CCDC85A: variants seen among roughly 807,000 people sequenced by gnomAD.
The protein encoded by CCDC85A is coiled-coil domain-containing protein 85A.
CCDC85A carries 38 observed loss-of-function variants against 50.2 expected under a neutral mutation model. That is an observed-to-expected ratio of 0.76 (90% confidence interval 0.58 to 0.99). The LOEUF (loss-of-function observed/expected upper bound fraction) is 0.99, where lower values mean the gene tolerates loss of function less well. Among genes scored for constraint, CCDC85A ranks in the 50% least tolerant of loss-of-function variants. CCDC85A has a pLI of 0.00. For synonymous variants in CCDC85A, 366 were observed against 301.4 expected (o/e 1.21, Z -2.22); for missense variants, 820 against 742.0 (o/e 1.11, Z -1.22).
rs545269649 is a variant in CCDC85A, at chr2:56,191,021, C to A, written c.277-1456C>A. Among the ~76,000 whole-genome samples, 6 of 152,280 alleles carry A rather than the reference C, an allele frequency of 3.9e-5. No homozygotes were observed. In the South Asian group the frequency reaches 1.2e-3, roughly 32 times the overall value. ...CCTTTCCCATGTCCGTTGACTTGCT[C>A]TCTGTTCTTTAGACATGCTCACCTC... On this transcript the variant is annotated intron_variant, in intron 1 of 5. Coordinates refer to ENST00000407595, the MANE Select transcript of CCDC85A (RefSeq NM_001080433.2).
chr2:56,333,715 G>A (rs1430924248), intron 2 of CCDC85A, among the ~76,000 whole-genome samples: 2 of 152,156 alleles, frequency 1.3e-5, no homozygotes, highest in African/African-American at 2.4e-5. Flanking sequence ...TGGAGGTAGG[G>A]TCAAAAAAAA....
intron 2 of CCDC85A, among the ~76,000 whole-genome samples, chr2:56,250,029 G>A (rs1346999411): frequency 1.3e-5 from 2 of 152,206 alleles, no homozygotes; most frequent in Admixed American, 1.3e-4. Context: ...CAGCCATGAA[G>A]GGCAGGCAGG....
chr2:56,321,588 A>C (rs1484371887), intron 2 of CCDC85A, among the ~76,000 whole-genome samples: 1 of 152,188 alleles, frequency 6.6e-6, no homozygotes, highest in East Asian at 1.9e-4. Flanking sequence ...CTTACAAGGG[A>C]TATGAAGGAC....
chr2:56,239,663 C>T (rs555264673), intron 2 of CCDC85A, among the ~76,000 whole-genome samples: 42 of 152,192 alleles, frequency 2.8e-4, no homozygotes, highest in South Asian at 1.2e-3. Flanking sequence ...GGTTCATCAA[C>T]GGTTATTGAG....
In CCDC85A at chr2:56,353,097, G is replaced by A. The variant is rs191405478; in HGVS notation, c.1317+10142G>A. On this transcript the variant is annotated intron_variant, in intron 3 of 5. Transcript: ENST00000407595. Reference sequence around the variant, plus strand: ...TAATTTACAAATGCCTACTTACATCGTGGGGGGTTACTCTACCTCACTGGA... The same window carrying A: ...TAATTTACAAATGCCTACTTACATCATGGGGGGTTACTCTACCTCACTGGA... 2.2e-3 allele frequency among the ~76,000 whole-genome samples: 339 copies of A among 152,144 alleles called. 1 individual carries two copies. Among genetic ancestry groups the A allele is most frequent in the African/African-American group, 5.4e-3 (225 of 41,510 alleles).
intron 2 of CCDC85A, among the ~76,000 whole-genome samples, chr2:56,303,199 G>A (rs1045381452): frequency 1.3e-5 from 2 of 152,116 alleles, no homozygotes; most frequent in African/African-American, 4.8e-5. Flanking sequence ...TTCGGAGTGC[G>A]CTTTTTGAGG....
At chr2:56,328,403 G>T in intron 2 of CCDC85A, among the ~76,000 whole-genome samples, 1 of 152,100 alleles carries the variant, frequency 6.6e-6, no homozygotes, top group Non-Finnish European at 1.5e-5. Flanking sequence ...AACTGGGGAA[G>T]GGTTTCTGCT....
At chr2:56,251,199 T>A (rs890084911) in intron 2 of CCDC85A, among the ~76,000 whole-genome samples, 1 of 152,198 alleles carries the variant, frequency 6.6e-6, no homozygotes, top group African/African-American at 2.4e-5. Flanking sequence ...AGACCTTTCT[T>A]AAGGCAGCCC....
chr2:56,374,684 C>T (rs2104395779), intron 4 of CCDC85A, among the ~76,000 whole-genome samples: 1 of 152,284 alleles, frequency 6.6e-6, no homozygotes, highest in African/African-American at 2.4e-5. Flanking sequence ...TGGCACATGC[C>T]TGTAGTCCCA....
At chr2:56,188,012 A>G (rs939364760) in intron 1 of CCDC85A, among the ~76,000 whole-genome samples, 1 of 152,232 alleles carries the variant, frequency 6.6e-6, no homozygotes, top group Non-Finnish European at 1.5e-5. Flanking sequence ...AAATTAAAAC[A>G]ATTATTTAAC....
At chr2:56,379,006 A>T (rs904449207) in intron 5 of CCDC85A, among the ~76,000 whole-genome samples, 3 of 152,222 alleles carry the variant, frequency 2.0e-5, no homozygotes, top group Non-Finnish European at 4.4e-5. Context: ...TACCCACAAT[A>T]AAACTTTAGA....
At chr2:56,327,831 CAAAAAAAAAAAA>C (rs70955016) in intron 2 of CCDC85A, among the ~76,000 whole-genome samples, 2 of 93,264 alleles carry the variant, frequency 2.1e-5, no homozygotes, top group African/African-American at 3.7e-5. Flanking sequence ...TAGAGTAAGG[CAAAAAAAAAAAA>C]AAAAAAAAAG....
rs1225934934 is a variant in CCDC85A, at chr2:56,192,528, T to C, written c.328T>C (p.Cys110Arg). The change falls in exon 2 of 6, where the codon TGT becomes CGT. Residue 110 changes from cysteine (C) to arginine (R), a missense_variant. Cys to Arg is a radical substitution (Grantham distance 180). Coordinates refer to ENST00000407595, the MANE Select transcript of CCDC85A (RefSeq NM_001080433.2). This position sits in a 1 kb window ranked among gnomAD's most constrained non-coding sequence, Gnocchi z 4.7. ...EDNQELRDLC[C>R]FLDDDRQKGK... Reference sequence around the variant, plus strand: ...CAACCAGGAACTGAGGGACCTCTGCTGTTTCCTGGATGATGACCGGCAGAA... The same window carrying C: ...CAACCAGGAACTGAGGGACCTCTGCCGTTTCCTGGATGATGACCGGCAGAA... 3 of 1,613,830 alleles carry C rather than the reference T, an allele frequency of 1.9e-6. No homozygotes were observed. Among genetic ancestry groups the C allele is most frequent in the Non-Finnish European group, 2.5e-6 (3 of 1,179,848 alleles).
chr2:56,193,261 C>T lies in CCDC85A; in HGVS notation c.1061C>T (p.Ala354Val). The change falls in exon 2 of 6, where the codon GCC becomes GTC. Residue 354 changes from alanine to valine, a missense_variant. Physicochemically the swap from Ala to Val is moderately conservative, Grantham distance 64. Coordinates refer to ENST00000407595, the MANE Select transcript of CCDC85A (RefSeq NM_001080433.2). ...GGGAGCCTAGAGCATCTCCCCAGAG[C>T]CAGGGGCACCAGCCCGGAGCACCTC... Reference protein sequence around the residue: ...LGGSLEHLPRARGTSPEHLKQ... With the variant: ...LGGSLEHLPRVRGTSPEHLKQ... The T allele has an allele frequency of 6.2e-7, 1 of 1,612,458 alleles. No individual in the cohort carries two copies. The highest frequency in any genetic ancestry group is 8.5e-7 in the Non-Finnish European group (1 of 1,179,432).
At chr2:56,208,018 T>C (rs1445302750) in intron 2 of CCDC85A, among the ~76,000 whole-genome samples, 1 of 152,148 alleles carries the variant, frequency 6.6e-6, no homozygotes, top group Non-Finnish European at 1.5e-5. Flanking sequence ...AACGGTGAGT[T>C]CAAGTTTAGG....
intron 2 of CCDC85A, among the ~76,000 whole-genome samples, chr2:56,307,700 C>G (rs1200824871): frequency 1.3e-5 from 2 of 152,150 alleles, no homozygotes; most frequent in African/African-American, 4.8e-5. Flanking sequence ...AGATTAAAGA[C>G]TGCCCAAAGT....
At chr2:56,288,699 A>G (rs1246375389) in intron 2 of CCDC85A, among the ~76,000 whole-genome samples, 1 of 118,740 alleles carries the variant, frequency 8.4e-6, no homozygotes, top group Non-Finnish European at 1.8e-5. Flanking sequence ...TGCCCCCCCC[A>G]CCCCAAAAAT....
chr2:56,353,223 C>A (rs1675045377), intron 3 of CCDC85A, among the ~76,000 whole-genome samples: 1 of 152,180 alleles, frequency 6.6e-6, no homozygotes, highest in Non-Finnish European at 1.5e-5. Context: ...ATCAGATATA[C>A]AGATAGTGTG....
intron 2 of CCDC85A, among the ~76,000 whole-genome samples, chr2:56,311,240 A>G (rs1421003605): frequency 6.6e-6 from 1 of 152,176 alleles, no homozygotes; most frequent in Non-Finnish European, 1.5e-5. Flanking sequence ...TATTTGGAGC[A>G]GCCTTCCTCT....
Sources: gnomAD v4.1 joint callset for allele counts (sites outside exome capture counted in the v4.1 genomes callset) on GRCh38, gnomAD v4.1.1 for gene constraint, Gnocchi (gnomAD v3.1) non-coding constraint, MANE v1.5 for transcripts, NCBI Gene and HGNC (gene_info 2026-07-23, HGNC 2026-07-21) for gene names.